TBC1D1: variants seen among roughly 807,000 people sequenced by gnomAD.
TBC1D1 encodes TBC1 domain family member 1.
In TBC1D1, 89 loss-of-function variants were observed where a neutral mutation model predicts 125.6. The observed-to-expected ratio is 0.71, with a 90% CI of 0.60 to 0.85. TBC1D1 has a LOEUF of 0.85. TBC1D1 is among the 40% of genes least tolerant of loss of function. The pLI is 0.00. For synonymous variants in TBC1D1, 565 were observed against 564.1 expected (o/e 1.00, Z -0.02); for missense variants, 1,377 against 1,469.2 (o/e 0.94, Z 1.03).
intron 1 of TBC1D1, among the ~76,000 whole-genome samples, chr4:37,899,305 G>GTTAGCT (rs1313188474): frequency 6.6e-6 from 1 of 152,114 alleles, no homozygotes; most frequent in East Asian, 1.9e-4. Context: ...ATGAGACCGA[G>GTTAGCT]TTAGCTTTAA....
intron 12 of TBC1D1, among the ~76,000 whole-genome samples, chr4:38,081,298 G>GC (rs1756509296): frequency 6.6e-6 from 1 of 152,164 alleles, no homozygotes; most frequent in Non-Finnish European, 1.5e-5. Context: ...GGCAGGTGCA[G>GC]CAGGAGGAAG....
intron 8 of TBC1D1, among the ~76,000 whole-genome samples, chr4:38,042,798 G>A (rs1459850039): frequency 6.6e-6 from 1 of 152,206 alleles, no homozygotes; most frequent in African/African-American, 2.4e-5. Flanking sequence ...AAGCCAGGTG[G>A]TGATACAAAG....
intron 18 of TBC1D1, among the ~76,000 whole-genome samples, chr4:38,126,620 G>T (rs1764691511): frequency 6.6e-6 from 1 of 152,224 alleles, no homozygotes. Context: ...TTAATTGAGA[G>T]CCTCTCCATC....
intron 12 of TBC1D1, among the ~76,000 whole-genome samples, chr4:38,070,620 C>T (rs1754540921): frequency 6.6e-6 from 1 of 151,910 alleles, no homozygotes; most frequent in African/African-American, 2.4e-5. Flanking sequence ...GAATATTTAC[C>T]AAATGTGGGC....
intron 8 of TBC1D1, among the ~76,000 whole-genome samples, chr4:38,037,263 A>G (rs749491472): frequency 6.6e-6 from 1 of 151,748 alleles, no homozygotes; most frequent in Non-Finnish European, 1.5e-5. Context: ...TCCAATGGAG[A>G]AATGTGTTTA....
intron 2 of TBC1D1, among the ~76,000 whole-genome samples, chr4:37,926,475 G>A (rs1310063775): frequency 1.3e-5 from 2 of 152,112 alleles, no homozygotes; most frequent in Non-Finnish European, 2.9e-5. Flanking sequence ...TCTTTGTCCA[G>A]GTACCCTCGT....
intron 2 of TBC1D1, among the ~76,000 whole-genome samples, chr4:38,000,942 C>T (rs1170050261): frequency 1.3e-5 from 2 of 152,280 alleles, no homozygotes; most frequent in East Asian, 1.9e-4. Flanking sequence ...CACTCAAGGC[C>T]GGGTGCGGTG....
intron 2 of TBC1D1, among the ~76,000 whole-genome samples, chr4:37,968,168 A>G (rs922804633): frequency 6.6e-6 from 1 of 152,244 alleles, no homozygotes; most frequent in Admixed American, 6.5e-5. Context: ...ATGAAGAGAT[A>G]GACCTATGTC....
At chr4:37,979,331 G>T (rs758945057) in intron 2 of TBC1D1, among the ~76,000 whole-genome samples, 1 of 152,114 alleles carries the variant, frequency 6.6e-6, no homozygotes, top group Non-Finnish European at 1.5e-5. Context: ...ATTATATCCC[G>T]AAATTGAATG....
rs773725967 is a variant in TBC1D1, at chr4:38,027,825, G to A, written c.1248G>A (p.Lys416=). 28 of 1,613,266 alleles carry A rather than the reference G, an allele frequency of 1.7e-5. No individual in the cohort carries two copies. The highest frequency in any genetic ancestry group is 5.5e-5 in the South Asian group (5 of 90,982). ...CCAAAACAAAACTAGAACTGCAAAA[G>A]CACCTGACGACATTAACCAATCAGG... Residue 416 remains lysine (K), a synonymous_variant, in exon 7 of 20, where the codon AAG becomes AAA. Coordinates refer to ENST00000261439, the MANE Select transcript of TBC1D1 (RefSeq NM_015173.4).
intron 15 of TBC1D1, among the ~76,000 whole-genome samples, chr4:38,111,034 CAG>C (rs1282502651): frequency 2.6e-5 from 4 of 152,232 alleles, no homozygotes; most frequent in African/African-American, 7.2e-5. Flanking sequence ...AGTGTGTTCT[CAG>C]GGGTGCTCTG....
intron 15 of TBC1D1, among the ~76,000 whole-genome samples, chr4:38,103,780 A>C (rs1760778272): frequency 6.6e-6 from 1 of 152,198 alleles, no homozygotes; most frequent in African/African-American, 2.4e-5. Context: ...CTAAACAATA[A>C]TATAGATTTT....
chr4:38,077,138 G>A (rs753784893), intron 12 of TBC1D1, among the ~76,000 whole-genome samples: 1 of 152,190 alleles, frequency 6.6e-6, no homozygotes, highest in Non-Finnish European at 1.5e-5. Context: ...AAAATTTGCA[G>A]GTAAGATATC....
intron 8 of TBC1D1, among the ~76,000 whole-genome samples, chr4:38,040,410 T>C (rs1748124428): frequency 6.6e-6 from 1 of 152,158 alleles, no homozygotes; most frequent in African/African-American, 2.4e-5. Flanking sequence ...TGCCTCAGCC[T>C]CCTGAGTAGC....
At chr4:37,931,693 G>A (rs1723295360) in intron 2 of TBC1D1, among the ~76,000 whole-genome samples, 1 of 151,848 alleles carries the variant, frequency 6.6e-6, no homozygotes, top group Non-Finnish European at 1.5e-5. Context: ...GGTCACGCTG[G>A]TCTTGAACTC....
At chr4:38,112,461 T>G (rs755078123) in intron 15 of TBC1D1, among the ~76,000 whole-genome samples, 6 of 152,218 alleles carry the variant, frequency 3.9e-5, no homozygotes, top group African/African-American at 7.2e-5. Flanking sequence ...ATCCGAAGAT[T>G]ATTGCCCATT....
intron 1 of TBC1D1, among the ~76,000 whole-genome samples, chr4:37,896,401 C>T (rs927512835): frequency 6.6e-6 from 1 of 152,200 alleles, no homozygotes; most frequent in African/African-American, 2.4e-5. Context: ...CTCTCACTTC[C>T]TGATCAATAA....
rs369322006 is a variant in TBC1D1 at position 37,989,994 on chromosome 4, A to G, written c.418-24515A>G. Among the ~76,000 whole-genome samples the G allele has an allele frequency of 7.2e-5, 11 of 152,372 alleles. No individual in the cohort carries two copies. The East Asian group carries it at 1.7e-3, about 24-fold the overall frequency. On this transcript the variant is annotated intron_variant, in intron 2 of 19. Coordinates refer to ENST00000261439, the MANE Select transcript of TBC1D1 (RefSeq NM_015173.4). Reference sequence around the variant, plus strand: ...TAGGAAGGAAGTTTATTTGTTTAGCAGAATTTATAATTGTAGGACTGCCCA... The same window carrying G: ...TAGGAAGGAAGTTTATTTGTTTAGCGGAATTTATAATTGTAGGACTGCCCA...
In TBC1D1 at chr4:37,977,195, A is replaced by G. The variant is rs1324532116; in HGVS notation, c.418-37314A>G. 1 of 152,094 alleles carries G rather than the reference A, an allele frequency of 6.6e-6. No individual in the cohort carries two copies. The highest frequency in any genetic ancestry group is 6.5e-5 in the Admixed American group (1 of 15,270). The allele number at this position is 152,094 out of a possible 1,614,324, so 9.4% of individuals were successfully genotyped here. ...CAGCATGTCCCAACTTCCCGCCAGCAGCGGAGCGCGGGGGTGGGCGGGGTC... is the reference window on the plus strand; with the variant it reads ...CAGCATGTCCCAACTTCCCGCCAGCGGCGGAGCGCGGGGGTGGGCGGGGTC... On this transcript the variant is annotated intron_variant, in intron 2 of 19. Transcript: ENST00000261439. This position sits in a 1 kb window ranked among gnomAD's most constrained non-coding sequence, Gnocchi z 4.3.
Sources: gnomAD v4.1 joint callset for allele counts (sites outside exome capture counted in the v4.1 genomes callset) on GRCh38, gnomAD v4.1.1 for gene constraint, Gnocchi (gnomAD v3.1) non-coding constraint, MANE v1.5 for transcripts, NCBI Gene and HGNC (gene_info 2026-07-23, HGNC 2026-07-21) for gene names.